Variants in RIN3 observed in about 807,000 individuals in gnomAD.
RIN3 encodes the protein Ras and Rab interactor 3.
In RIN3, 54 loss-of-function variants were observed where a neutral mutation model predicts 76.3. That is an observed-to-expected ratio of 0.71 (90% confidence interval 0.57 to 0.89). The LOEUF is 0.89. Among genes scored for constraint, RIN3 ranks in the 40% least tolerant of loss-of-function variants. The pLI is 0.00. For synonymous variants in RIN3, 576 were observed against 564.0 expected (o/e 1.02, Z -0.30); for missense variants, 1,256 against 1,322.1 (o/e 0.95, Z 0.78).
intron 7 of RIN3, among the ~76,000 whole-genome samples, chr14:92,665,438 G>A (rs1412444683): frequency 4.2e-5 from 6 of 144,486 alleles, no homozygotes; most frequent in Non-Finnish European, 7.5e-5. Flanking sequence ...GAGTGCAGTG[G>A]CGCAATCTCG....
intron 1 of RIN3, among the ~76,000 whole-genome samples, chr14:92,531,108 C>A (rs1476794152): frequency 6.6e-6 from 1 of 152,204 alleles, no homozygotes; most frequent in Non-Finnish European, 1.5e-5. Context: ...TCACCAGTGT[C>A]TTCGTCAGCT....
chr14:92,524,300 A>G (rs4523857), intron 1 of RIN3, among the ~76,000 whole-genome samples: 10,064 of 152,152 alleles, frequency 0.066, 1,124 homozygotes, highest in African/African-American at 0.23. Context: ...TCTTCGTTGA[A>G]ACAGTCTTGG....
Position 92,514,122 on chromosome 14 carries a change from G to A in RIN3, c.44+146G>A. 1 of 537,822 alleles carries A rather than the reference G, an allele frequency of 1.9e-6. No homozygotes were observed. The highest frequency in any genetic ancestry group is 2.8e-6 in the Non-Finnish European group (1 of 354,332). 33.3% of individuals were successfully genotyped at this position (537,822 alleles called of 1,614,324 possible). The stretch of plus-strand genomic sequence containing the variant: ...GATACGGGACCCCCACCGTGGCCGA[G>A]GCCAGAACCTGGTTCTGCGGGGCAG... On this transcript the variant is annotated intron_variant, in intron 1 of 9. Transcript: ENST00000216487. This position sits in a 1 kb window ranked among gnomAD's most constrained non-coding sequence, Gnocchi z 7.2.
At chr14:92,540,449 C>G (rs980903870) in intron 1 of RIN3, among the ~76,000 whole-genome samples, 18 of 152,244 alleles carry the variant, frequency 1.2e-4, no homozygotes, top group African/African-American at 4.3e-4. Flanking sequence ...CTGTGAGAAA[C>G]TGCCAGGGCC....
rs566151492 is a variant in RIN3 at position 92,531,411 on chromosome 14, A to AC, written c.44+17436dup. On this transcript the variant is annotated intron_variant, in intron 1 of 9. Coordinates refer to ENST00000216487, the MANE Select transcript of RIN3 (RefSeq NM_024832.5). ...GCGACTTCATGCCTTAGCACAAGGGACTTTGCATGCTTTAAAATCTGATGG... is the reference window on the plus strand; with the variant it reads ...GCGACTTCATGCCTTAGCACAAGGGACCTTTGCATGCTTTAAAATCTGATGG... Among the ~76,000 whole-genome samples, 5 of 152,304 alleles carry AC rather than the reference A, an allele frequency of 3.3e-5. No homozygotes were observed. The South Asian group carries it at 1.0e-3, about 32-fold the overall frequency.
rs1888954838 is a variant in RIN3, at chr14:92,688,250, T to C, written c.2956T>C (p.Ter986ArgextTer52). The C allele has an allele frequency of 5.1e-6, 8 of 1,580,454 alleles. No individual in the cohort carries two copies. The highest frequency in any genetic ancestry group is 2.2e-5 in the South Asian group (2 of 88,912). The change falls in exon 10 of 10, where the codon TGA becomes CGA. Residue 986 changes from the stop codon to arginine (R), a stop_lost. Coordinates refer to ENST00000216487, the MANE Select transcript of RIN3 (RefSeq NM_024832.5). ...GGTGGTGCGGGAGCCCAACTTCCTGTGAGGCCCTCCCGGGGCGCCTCCCCT... is the reference window on the plus strand; with the variant it reads ...GGTGGTGCGGGAGCCCAACTTCCTGCGAGGCCCTCCCGGGGCGCCTCCCCT... ...CLVVREPNFL[*>R]
In RIN3 at chr14:92,514,103, G is replaced by A; in HGVS notation, c.44+127G>A. The A allele has an allele frequency of 1.5e-6, 1 of 654,258 alleles. No individual in the cohort carries two copies. The highest frequency in any genetic ancestry group is 2.2e-6 in the Non-Finnish European group (1 of 460,312). The allele number at this position is 654,258 out of a possible 1,614,324, so 40.5% of individuals were successfully genotyped here. ...ACCTCGGGGTTGTCGGGCTGATACGGGACCCCCACCGTGGCCGAGGCCAGA... is the reference window on the plus strand; with the variant it reads ...ACCTCGGGGTTGTCGGGCTGATACGAGACCCCCACCGTGGCCGAGGCCAGA... On this transcript the variant is annotated intron_variant, in intron 1 of 9. Coordinates refer to ENST00000216487, the MANE Select transcript of RIN3 (RefSeq NM_024832.5). This position sits in a 1 kb window ranked among gnomAD's most constrained non-coding sequence, Gnocchi z 7.2.
At chr14:92,669,895 T>G (rs966974359) in intron 7 of RIN3, among the ~76,000 whole-genome samples, 4 of 151,846 alleles carry the variant, frequency 2.6e-5, no homozygotes, top group Non-Finnish European at 5.9e-5. Flanking sequence ...AGAAAAAAAT[T>G]TGCTAGCCCC....
At position 92,587,009 on chromosome 14, in the gene RIN3, G is replaced by T. The variant is rs549198068; in HGVS notation, c.367+9532G>T. Reference sequence around the variant, plus strand: ...GAAAATCAGGAAAGGGTAGAACTCTGTTGGGGGAGAGGTAGATTGGAAGTA... The same window carrying T: ...GAAAATCAGGAAAGGGTAGAACTCTTTTGGGGGAGAGGTAGATTGGAAGTA... On this transcript the variant is annotated intron_variant, in intron 3 of 9. Coordinates refer to ENST00000216487, the MANE Select transcript of RIN3 (RefSeq NM_024832.5). Among the ~76,000 whole-genome samples the T allele has an allele frequency of 1.2e-4, 18 of 152,356 alleles. No individual in the cohort carries two copies. In the East Asian group the frequency reaches 3.3e-3, roughly 28 times the overall value.
Position 92,688,639 on chromosome 14 carries a change from T to G in RIN3, c.*387T>G. 4.3e-6 allele frequency: 1 copy of G among 234,636 alleles called. No homozygotes were observed. The highest frequency in any genetic ancestry group is 8.4e-6 in the Non-Finnish European group (1 of 119,254). 14.5% of individuals were successfully genotyped at this position (234,636 alleles called of 1,614,324 possible). On this transcript the variant is annotated 3_prime_UTR_variant, in exon 10 of 10. Transcript: ENST00000216487. The stretch of plus-strand genomic sequence containing the variant: ...TTGCAAAGAAGGGCCCGAGCTTAGT[T>G]TCCCCAGGACTGGCCTAGGAAGGAG...
chr14:92,677,380 A>T (rs528162844), intron 8 of RIN3, among the ~76,000 whole-genome samples: 1 of 152,230 alleles, frequency 6.6e-6, no homozygotes, highest in South Asian at 2.1e-4. Flanking sequence ...CATCAGCTTC[A>T]AAGGAGGGAA....
At chr14:92,583,282 C>T (rs1286535721) in intron 3 of RIN3, among the ~76,000 whole-genome samples, 1 of 152,256 alleles carries the variant, frequency 6.6e-6, no homozygotes, top group Non-Finnish European at 1.5e-5. Context: ...CCAGCTTGAT[C>T]TGTGACTCTG....
Position 92,659,172 on chromosome 14 carries a change from G to C in RIN3, c.2038G>C (p.Glu680Gln). The change falls in exon 7 of 10, where the codon GAG becomes CAG. Residue 680 changes from glutamate (E) to glutamine (Q), a missense_variant. Coordinates refer to ENST00000216487, the MANE Select transcript of RIN3 (RefSeq NM_024832.5). ...HSEEELEAIV[E>Q]SALYKCVLKP... ...TTGTTTACCTGCAGAAGCAATTGTAGAGTCTGCCTTGTACAAATGTGTCCT... is the reference window on the plus strand; with the variant it reads ...TTGTTTACCTGCAGAAGCAATTGTACAGTCTGCCTTGTACAAATGTGTCCT... 6.2e-7 allele frequency: 1 copy of C among 1,614,090 alleles called. No individual in the cohort carries two copies. The highest frequency in any genetic ancestry group is 8.5e-7 in the Non-Finnish European group (1 of 1,179,990).
intron 1 of RIN3, among the ~76,000 whole-genome samples, chr14:92,525,733 G>A (rs564428428): frequency 1.1e-4 from 17 of 152,202 alleles, no homozygotes; most frequent in Admixed American, 7.9e-4. Context: ...TAGACTCTCA[G>A]GCAGCGTCAG....
chr14:92,665,414 T>A (rs1266244335), intron 7 of RIN3, among the ~76,000 whole-genome samples: 2 of 138,766 alleles, frequency 1.4e-5, no homozygotes, highest in Non-Finnish European at 3.1e-5. Context: ...AGTCTCGCTC[T>A]ATCGCCCAGG....
At chr14:92,634,898 C>G (rs1457483221) in intron 4 of RIN3, among the ~76,000 whole-genome samples, 1 of 151,642 alleles carries the variant, frequency 6.6e-6, no homozygotes. Flanking sequence ...TACCCCAGAC[C>G]TGATGCTAGG....
intron 1 of RIN3, among the ~76,000 whole-genome samples, chr14:92,525,330 G>A (rs1896700826): frequency 6.6e-6 from 1 of 152,220 alleles, no homozygotes; most frequent in African/African-American, 2.4e-5. Context: ...CCCACCAGCA[G>A]GGACAGTGGC....
intron 1 of RIN3, among the ~76,000 whole-genome samples, chr14:92,539,842 T>C (rs1897092479): frequency 6.6e-6 from 1 of 152,072 alleles, no homozygotes; most frequent in African/African-American, 2.4e-5. Flanking sequence ...CAGCTGGGAC[T>C]AGAGGCCCAA....
intron 3 of RIN3, among the ~76,000 whole-genome samples, chr14:92,580,285 G>C (rs775111255): frequency 6.6e-5 from 10 of 152,246 alleles, no homozygotes; most frequent in Non-Finnish European, 1.3e-4. Flanking sequence ...AGAATTACTT[G>C]AACCTGGGAG....
Sources: allele counts gnomAD v4.1 joint callset (sites outside exome capture counted in the v4.1 genomes callset), GRCh38; gene constraint gnomAD v4.1.1; non-coding constraint Gnocchi (gnomAD v3.1); transcripts MANE v1.5; gene names NCBI Gene and HGNC (gene_info 2026-07-23, HGNC 2026-07-21).